Variants in PCDHA3 observed in about 807,000 individuals in gnomAD.
PCDHA3 encodes the protein protocadherin alpha 3.
In PCDHA3, 41 loss-of-function variants were observed where a neutral mutation model predicts 62.2. The observed-to-expected ratio is 0.66, with a 90% confidence interval of 0.51 to 0.86. The LOEUF is 0.86. PCDHA3 is among the 40% of genes least tolerant of loss of function. The pLI is 0.00. For missense variants in PCDHA3, 1,304 were observed against 1,241.2 expected (o/e 1.05, Z -0.76); for synonymous variants, 640 against 555.4 (o/e 1.15, Z -2.14).
intron 1 of PCDHA3, chr5:140,927,071 GCCA>G (rs2083808355): frequency 4.3e-6 from 7 of 1,610,970 alleles, no homozygotes; most frequent in Non-Finnish European, 5.9e-6. Flanking sequence ...TTCCTTTCCA[GCCA>G]CCGCGAGCTC....
chr5:140,920,204 G>A (rs185996994), intron 1 of PCDHA3, among the ~76,000 whole-genome samples: 3 of 152,222 alleles, frequency 2.0e-5, no homozygotes, highest in Admixed American at 1.3e-4. Context: ...AGCAGCCACA[G>A]AAAACCAATG....
At chr5:140,895,143 A>T (rs115893558) in intron 1 of PCDHA3, among the ~76,000 whole-genome samples, 1 of 152,158 alleles carries the variant, frequency 6.6e-6, no homozygotes, top group African/African-American at 2.4e-5. Flanking sequence ...CATAGGGCTA[A>T]GACAGGTTTA....
At chr5:140,879,676 C>G (rs539657930) in intron 1 of PCDHA3, among the ~76,000 whole-genome samples, 1 of 152,308 alleles carries the variant, frequency 6.6e-6, no homozygotes, top group South Asian at 2.1e-4. Flanking sequence ...AAACTGGGTG[C>G]TGTAAAACAG....
At chr5:140,850,722 A>T (rs2150495731) in intron 1 of PCDHA3, 1 of 1,597,444 alleles carries the variant, frequency 6.3e-7, no homozygotes, top group Non-Finnish European at 8.6e-7. Flanking sequence ...GGTGTGTTCT[A>T]GCGCGGTGGG....
In PCDHA3 at chr5:140,967,289, C is replaced by A. The variant is rs782440125; in HGVS notation, c.2395-11660C>A. ...CTTTCACATAGAGAGTGCGCAGGAC[C>A]CCGACGTGGGCGCCAACTCAGTACA... On this transcript the variant is annotated intron_variant, in intron 1 of 3. Transcript: ENST00000522353. 3 of 1,612,910 alleles carry A rather than the reference C, an allele frequency of 1.9e-6. No homozygotes were observed. The East Asian group carries it at 6.7e-5, about 36-fold the overall frequency.
At chr5:140,970,775 C>T (rs2096433002) in intron 1 of PCDHA3, among the ~76,000 whole-genome samples, 1 of 152,160 alleles carries the variant, frequency 6.6e-6, no homozygotes, top group Non-Finnish European at 1.5e-5. Context: ...GCTGTACATA[C>T]ATATTGTATG....
At chr5:140,946,277 AT>A (rs1554217463) in intron 1 of PCDHA3, among the ~76,000 whole-genome samples, 1 of 152,068 alleles carries the variant, frequency 6.6e-6, no homozygotes, top group Non-Finnish European at 1.5e-5. Flanking sequence ...TAAAACCCCA[AT>A]GAGATATCAC....
Position 140,802,663 on chromosome 5 carries a change from T to C in PCDHA3, c.1466T>C (p.Leu489Pro), listed in dbSNP as rs1328452691. The C allele has an allele frequency of 1.9e-6, 3 of 1,613,528 alleles. No homozygotes were observed. Among genetic ancestry groups the C allele is most frequent in the Non-Finnish European group, 2.5e-6 (3 of 1,179,850 alleles). Residue 489 changes from leucine to proline, a missense_variant, in exon 1 of 4, where the codon CTG becomes CCG. Physicochemically the swap from Leu to Pro is moderately conservative, Grantham distance 98. Coordinates refer to ENST00000522353, the MANE Select transcript of PCDHA3 (RefSeq NM_018906.3). ...GACGCGGACGCGCAGGAGAACGCCC[T>C]GGTGTCCTACTCGCTGGTGGAACGG... The part of the protein sequence containing the change: ...ARDADAQENA[L>P]VSYSLVERRV...
chr5:140,859,508 T>G (rs1298997050), intron 1 of PCDHA3: 1 of 197,594 alleles, frequency 5.1e-6, no homozygotes, highest in Non-Finnish European at 1.0e-5. Context: ...CTGATACCCA[T>G]GATTTCATTT....
intron 1 of PCDHA3, chr5:140,967,505 G>C (rs782818141): frequency 2.4e-5 from 39 of 1,612,940 alleles, no homozygotes; most frequent in Non-Finnish European, 3.2e-5. Context: ...CTCTGTGCGT[G>C]TCCTGGACAC....
intron 1 of PCDHA3, chr5:140,809,257 T>G (rs1764409596): frequency 6.2e-7 from 1 of 1,614,092 alleles, no homozygotes; most frequent in Non-Finnish European, 8.5e-7. Context: ...TGGGTCCCGA[T>G]GCTGCGCTGG....
At chr5:140,985,682 C>T (rs1261119986) in intron 3 of PCDHA3, among the ~76,000 whole-genome samples, 3 of 151,710 alleles carry the variant, frequency 2.0e-5, no homozygotes, top group African/African-American at 4.8e-5. Flanking sequence ...GCCTGCCTTA[C>T]GCTAATCCTC....
At chr5:140,856,030 A>G in intron 1 of PCDHA3, 2 of 1,561,578 alleles carry the variant, frequency 1.3e-6, no homozygotes, top group East Asian at 4.5e-5. Context: ...GTCGATTTGT[A>G]AAACAAGAGA....
chr5:140,868,792 C>A, intron 1 of PCDHA3: 1 of 326,784 alleles, frequency 3.1e-6, no homozygotes, highest in South Asian at 7.0e-5. Context: ...TCTGAATATT[C>A]CATAAATAAG....
At chr5:140,993,450 CTTCT>C (rs1279887965) in intron 3 of PCDHA3, among the ~76,000 whole-genome samples, 2 of 137,074 alleles carry the variant, frequency 1.5e-5, no homozygotes, top group South Asian at 2.5e-4. Flanking sequence ...TCCTGTTCTC[CTTCT>C]TTCTTTCTCA....
At chr5:140,891,040 C>G (rs2062916193) in intron 1 of PCDHA3, among the ~76,000 whole-genome samples, 1 of 144,978 alleles carries the variant, frequency 6.9e-6, no homozygotes, top group Admixed American at 6.6e-5. Context: ...TTAGGTGTGA[C>G]CCCCACAGCA....
chr5:140,966,934 G>C (rs782780798), intron 1 of PCDHA3: 3 of 1,604,080 alleles, frequency 1.9e-6, no homozygotes, highest in Non-Finnish European at 2.5e-6. Flanking sequence ...CACCCGGCGC[G>C]CTCGTGGGCA....
chr5:140,827,858 A>G (rs1273847275), intron 1 of PCDHA3: 5 of 508,162 alleles, frequency 9.8e-6, no homozygotes, highest in Non-Finnish European at 1.7e-5. Flanking sequence ...TTAAAAATAT[A>G]TGGTATAGCA....
intron 1 of PCDHA3, among the ~76,000 whole-genome samples, chr5:140,912,893 T>C (rs1346036777): frequency 6.6e-6 from 1 of 152,262 alleles, no homozygotes; most frequent in East Asian, 1.9e-4. Context: ...TCTGTTGATA[T>C]GATGTATCAT....
Sources: gnomAD v4.1 joint callset for allele counts (sites outside exome capture counted in the v4.1 genomes callset) on GRCh38, gnomAD v4.1.1 for gene constraint, MANE v1.5 for transcripts, NCBI Gene and HGNC (gene_info 2026-07-23, HGNC 2026-07-21) for gene names.